EEF1E1: variants seen among roughly 807,000 people sequenced by gnomAD.
EEF1E1 encodes the protein eukaryotic translation elongation factor 1 epsilon-1.
EEF1E1 carries 19 observed loss-of-function variants against 19.9 expected under a neutral mutation model. That is an observed-to-expected ratio of 0.95 (90% confidence interval 0.66 to 1.40). The LOEUF (loss-of-function observed/expected upper bound fraction) is 1.40. EEF1E1 is among the 40% of genes most tolerant of loss of function. The pLI is 0.00. For synonymous variants in EEF1E1, 81 were observed against 80.0 expected, an observed-to-expected ratio of 1.01 and a Z score of -0.07; for missense variants, 198 against 202.2, an observed-to-expected ratio of 0.98 and a Z score of 0.13.
At chr6:8,100,106 G>C (rs1043749998) in intron 1 of EEF1E1, among the ~76,000 whole-genome samples, 1 of 152,094 alleles carries the variant, frequency 6.6e-6, no homozygotes, top group African/African-American at 2.4e-5. Context: ...TTCACTAGCT[G>C]CTAACTGCTA....
intron 3 of EEF1E1, among the ~76,000 whole-genome samples, chr6:8,088,642 T>G (rs1249319467): frequency 6.6e-6 from 1 of 152,178 alleles, no homozygotes; most frequent in Non-Finnish European, 1.5e-5. Context: ...TTAAGTCCAT[T>G]AAACCCTTTT....
downstream of EEF1E1, among the ~76,000 whole-genome samples, chr6:8,077,007 G>T (rs1256100826): frequency 7.2e-6 from 1 of 138,686 alleles, no homozygotes; most frequent in Non-Finnish European, 1.5e-5. Context: ...CAGTGGCAGC[G>T]ATCTCGGCTC....
chr6:8,092,136 C>A (rs1321896974), intron 2 of EEF1E1, among the ~76,000 whole-genome samples: 1 of 152,120 alleles, frequency 6.6e-6, no homozygotes, highest in Non-Finnish European at 1.5e-5. Context: ...CCTCCAGGAC[C>A]TAATCACCCC....
At chr6:8,098,162 C>A (rs190198609) in intron 1 of EEF1E1, among the ~76,000 whole-genome samples, 103 of 151,972 alleles carry the variant, frequency 6.8e-4, no homozygotes, top group Non-Finnish European at 1.3e-3. Context: ...CTCTGTCACC[C>A]AAGCTGGAGT....
At chr6:8,101,772 T>C (rs1162461001) in intron 1 of EEF1E1, 1 of 1,289,414 alleles carries the variant, frequency 7.8e-7, no homozygotes, top group African/African-American at 1.5e-5. Flanking sequence ...TACCTTGTGA[T>C]GTTTCCCGCA....
At chr6:8,099,787 CACACAAAA>C (rs1758285736) in intron 1 of EEF1E1, among the ~76,000 whole-genome samples, 1 of 81,614 alleles carries the variant, frequency 1.2e-5, no homozygotes, top group Non-Finnish European at 2.7e-5. Context: ...CACACACACA[CACACAAAA>C]AAAAAACAGA....
intron 3 of EEF1E1, among the ~76,000 whole-genome samples, chr6:8,084,508 C>T (rs1757797147): frequency 6.6e-6 from 1 of 152,176 alleles, no homozygotes; most frequent in South Asian, 2.1e-4. Context: ...ATGAGTTACA[C>T]TTCAGTATCA....
intron 3 of EEF1E1, among the ~76,000 whole-genome samples, chr6:8,087,586 C>A (rs1323702045): frequency 6.6e-6 from 1 of 152,212 alleles, no homozygotes; most frequent in African/African-American, 2.4e-5. Context: ...CTCCTGACCT[C>A]AAGTGATCTG....
At position 8,090,278 on chromosome 6, in the gene EEF1E1, G is replaced by T. The variant is rs1344974292; in HGVS notation, c.292C>A (p.Leu98Ile). The change falls in exon 3 of 4, where the codon CTT becomes ATT. Residue 98 changes from leucine (L) to isoleucine (I), a missense_variant. By Grantham distance (5) the Leu-to-Ile change is conservative (BLOSUM62 2). Coordinates refer to ENST00000379715, the MANE Select transcript of EEF1E1 (RefSeq NM_004280.5). ...KNDIHTLLKD[L>I]NSYLEDKVYL... ...ACTTTATCTTCAAGATATGAATTAA[G>T]ATCCTAGAAAAAAGAAAAAACAAAT... The T allele has an allele frequency of 6.8e-7, 1 of 1,476,620 alleles. No homozygotes were observed. Among genetic ancestry groups the T allele is most frequent in the Non-Finnish European group, 8.9e-7 (1 of 1,120,248 alleles). The allele number at this position is 1,476,620 out of a possible 1,614,324, so 91.5% of individuals were successfully genotyped here.
At chr6:8,078,718 TAAACAA>T, downstream of EEF1E1, 1 of 1,286,270 alleles carries the variant, frequency 7.8e-7, no homozygotes, top group Non-Finnish European at 1.0e-6. Flanking sequence ...CATTTTCTTA[TAAACAA>T]AACAATCATG....
intron 3 of EEF1E1, among the ~76,000 whole-genome samples, chr6:8,074,199 C>G (rs1431043377): frequency 2.0e-5 from 3 of 152,164 alleles, no homozygotes; most frequent in African/African-American, 7.2e-5. Flanking sequence ...AAAACAGGAG[C>G]TGGATGCTTC....
chr6:8,078,660 C>G (rs1427255905), downstream of EEF1E1: 3 of 1,277,902 alleles, frequency 2.3e-6, no homozygotes, highest in Non-Finnish European at 3.0e-6. Context: ...TGTGAAGTCT[C>G]CTGACTCAGT....
chr6:8,097,257 G>A lies in EEF1E1; in HGVS notation c.288+10C>T. 1 of 1,613,260 alleles carries A rather than the reference G, an allele frequency of 6.2e-7. No individual in the cohort carries two copies. Among genetic ancestry groups the A allele is most frequent in the Non-Finnish European group, 8.5e-7 (1 of 1,179,246 alleles). On this transcript the variant is annotated intron_variant, in intron 2 of 3. Coordinates refer to ENST00000379715, the MANE Select transcript of EEF1E1 (RefSeq NM_004280.5). The stretch of plus-strand genomic sequence containing the variant: ...TCATGCATTTCAGCCTATAAGAGAA[G>A]TCACGATACCTTCAACAGTGTGTGG...
At chr6:8,101,239 A>ATAT (rs1758344653) in intron 1 of EEF1E1, among the ~76,000 whole-genome samples, 1 of 75,616 alleles carries the variant, frequency 1.3e-5, no homozygotes, top group African/African-American at 6.1e-5. Flanking sequence ...AAAAAAAAAA[A>ATAT]AAAAATATAT....
chr6:8,101,243 A>AATATAT (rs1216617377), intron 1 of EEF1E1, among the ~76,000 whole-genome samples: 44 of 58,396 alleles, frequency 7.5e-4, no homozygotes, highest in African/African-American at 1.8e-3. Context: ...AAAAAAAAAA[A>AATATAT]ATATATATAT....
downstream of EEF1E1, among the ~76,000 whole-genome samples, chr6:8,075,229 A>C (rs1757563315): frequency 6.6e-6 from 1 of 152,194 alleles, no homozygotes; most frequent in African/African-American, 2.4e-5. Flanking sequence ...TCCCATAATT[A>C]ATTTGAACCC....
chr6:8,096,421 G>A (rs1758176134), intron 2 of EEF1E1, among the ~76,000 whole-genome samples: 1 of 152,090 alleles, frequency 6.6e-6, no homozygotes. Context: ...ACATACAAAG[G>A]GCCAAGTTCT....
intron 1 of EEF1E1, among the ~76,000 whole-genome samples, chr6:8,099,405 A>G (rs1758260412): frequency 1.3e-5 from 2 of 152,316 alleles, no homozygotes; most frequent in Admixed American, 6.5e-5. Context: ...GCAATAGGCT[A>G]TATCATATAC....
downstream of EEF1E1, among the ~76,000 whole-genome samples, chr6:8,075,053 A>G (rs983176753): frequency 1.3e-5 from 2 of 152,170 alleles, no homozygotes; most frequent in Middle Eastern, 3.2e-3. Flanking sequence ...TGTTGCCTCT[A>G]TCTGTCCTGC....
Sources: allele counts gnomAD v4.1 joint callset (sites outside exome capture counted in the v4.1 genomes callset), GRCh38; gene constraint gnomAD v4.1.1; transcripts MANE v1.5; gene names NCBI Gene and HGNC (gene_info 2026-07-23, HGNC 2026-07-21).